The following NOS1AP variants were observed in gnomAD, a reference collection of about 807,000 sequenced individuals.
NOS1AP encodes carboxyl-terminal PDZ ligand of neuronal nitric oxide synthase protein.
A neutral mutation model predicts 56.2 loss-of-function variants in NOS1AP; 21 were observed. The observed-to-expected ratio is 0.37, with a 90% CI of 0.26 to 0.54. The LOEUF is 0.54. Among genes scored for constraint, NOS1AP ranks in the 20% least tolerant of loss-of-function variants. The pLI is 0.84. For missense variants in NOS1AP, 522 were observed against 657.8 expected, an observed-to-expected ratio of 0.79 and a Z score of 2.26; for synonymous variants, 270 against 274.6, an observed-to-expected ratio of 0.98 and a Z score of 0.17.
intron 9 of NOS1AP, among the ~76,000 whole-genome samples, chr1:162,366,055 T>C (rs1015622798): frequency 1.3e-5 from 2 of 152,160 alleles, no homozygotes; most frequent in African/African-American, 2.4e-5. Flanking sequence ...ATCTGTTCAG[T>C]GGATAAGGCA....
At chr1:162,332,912 G>A in intron 4 of NOS1AP, 105 bp from the exon 5 acceptor site, 1 of 807,314 alleles carries the variant, frequency 1.2e-6, no homozygotes, top group South Asian at 1.4e-5. Flanking sequence ...TAATAACTTG[G>A]CTCTCATGAG....
At chr1:162,324,416 CTT>C (rs35946766) in intron 4 of NOS1AP, among the ~76,000 whole-genome samples, 29 of 72,130 alleles carry the variant, frequency 4.0e-4, no homozygotes, top group Non-Finnish European at 7.2e-4. Flanking sequence ...GGACACTAGC[CTT>C]TTTTTTTTTT....
intron 1 of NOS1AP, among the ~76,000 whole-genome samples, chr1:162,133,058 G>A (rs540265702): frequency 7.3e-4 from 111 of 152,188 alleles, no homozygotes; most frequent in Admixed American, 1.5e-3. Flanking sequence ...GCAATATCAC[G>A]TGTTGGCTGG....
intron 2 of NOS1AP, among the ~76,000 whole-genome samples, chr1:162,264,358 C>T (rs1258944352): frequency 6.6e-6 from 1 of 152,038 alleles, no homozygotes; most frequent in African/African-American, 2.4e-5. Flanking sequence ...TTTGGCTATG[C>T]AGTGACCTTT....
At chr1:162,282,903 A>G (rs1350031655) in intron 2 of NOS1AP, among the ~76,000 whole-genome samples, 1 of 152,168 alleles carries the variant, frequency 6.6e-6, no homozygotes, top group African/African-American at 2.4e-5. Flanking sequence ...CTTGGCTGAC[A>G]TCTGTAAGCA....
chr1:162,072,593 G>A (rs746035043), intron 1 of NOS1AP, among the ~76,000 whole-genome samples: 1 of 152,202 alleles, frequency 6.6e-6, no homozygotes, highest in Non-Finnish European at 1.5e-5. Flanking sequence ...AAGGACAAAA[G>A]CATACGGTAA....
intron 2 of NOS1AP, among the ~76,000 whole-genome samples, chr1:162,263,565 G>A (rs1039430793): frequency 1.3e-5 from 2 of 152,060 alleles, no homozygotes; most frequent in South Asian, 4.2e-4. Flanking sequence ...TTTTCCTATG[G>A]TTTCACAGAG....
At chr1:162,107,066 CTA>C (rs1262491010) in intron 1 of NOS1AP, among the ~76,000 whole-genome samples, 1 of 151,996 alleles carries the variant, frequency 6.6e-6, no homozygotes, top group African/African-American at 2.4e-5. Flanking sequence ...GGGTGGAAAA[CTA>C]TGAAGATGAA....
chr1:162,087,253 A>G (rs1692024580), intron 1 of NOS1AP, among the ~76,000 whole-genome samples: 1 of 152,044 alleles, frequency 6.6e-6, no homozygotes, highest in Non-Finnish European at 1.5e-5. Context: ...CCTCTTTCCA[A>G]CAGTAGCTTT....
chr1:162,104,196 G>T (rs1323453133), intron 1 of NOS1AP, among the ~76,000 whole-genome samples: 1 of 152,188 alleles, frequency 6.6e-6, no homozygotes, highest in Admixed American at 6.5e-5. Context: ...GAAATTCTGG[G>T]TTGGAAATTC....
At chr1:162,137,415 A>G (rs1048902266) in intron 1 of NOS1AP, among the ~76,000 whole-genome samples, 2 of 151,998 alleles carry the variant, frequency 1.3e-5, no homozygotes, top group Non-Finnish European at 2.9e-5. Flanking sequence ...AAGGTTTTCC[A>G]TCTATTGATC....
chr1:162,255,239 G>T (rs1280795160), intron 2 of NOS1AP, among the ~76,000 whole-genome samples: 1 of 152,132 alleles, frequency 6.6e-6, no homozygotes, highest in Non-Finnish European at 1.5e-5. Flanking sequence ...TTGTTTTATA[G>T]ATTGGTCACT....
intron 2 of NOS1AP, among the ~76,000 whole-genome samples, chr1:162,166,823 C>T (rs1650519634): frequency 6.6e-6 from 1 of 152,196 alleles, no homozygotes. Flanking sequence ...CCTGTACCTC[C>T]TCTCCACATC....
chr1:162,295,368 A>G (rs957509052), intron 3 of NOS1AP, among the ~76,000 whole-genome samples: 1 of 152,224 alleles, frequency 6.6e-6, no homozygotes, highest in African/African-American at 2.4e-5. Context: ...GGAAAAATAA[A>G]AGACTTCAAA....
rs372674766 is a variant in NOS1AP at position 162,230,471 on chromosome 1, C to T, written c.178-56873C>T. On this transcript the variant is annotated intron_variant, in intron 2 of 9. Coordinates refer to ENST00000361897, the MANE Select transcript of NOS1AP (RefSeq NM_014697.3). ...ATGTAATTTCAGAATTTCTACTAGTCACATTAAAAAGCTAAAAAGAATCTG... is the reference window on the plus strand; with the variant it reads ...ATGTAATTTCAGAATTTCTACTAGTTACATTAAAAAGCTAAAAAGAATCTG... Among the ~76,000 whole-genome samples the T allele has an allele frequency of 3.3e-5, 5 of 152,292 alleles. No homozygotes were observed. In the East Asian group the frequency reaches 9.6e-4, roughly 29 times the overall value.
At chr1:162,217,880 C>T (rs1002791321) in intron 2 of NOS1AP, among the ~76,000 whole-genome samples, 3 of 152,180 alleles carry the variant, frequency 2.0e-5, no homozygotes, top group Non-Finnish European at 4.4e-5. Flanking sequence ...GCTTCCTTCC[C>T]ACTCACAGAT....
intron 2 of NOS1AP, among the ~76,000 whole-genome samples, chr1:162,218,233 A>G (rs1652646584): frequency 6.6e-6 from 1 of 152,208 alleles, no homozygotes; most frequent in Non-Finnish European, 1.5e-5. Context: ...TCTAGGAGAA[A>G]GAATCCTTGG....
intron 2 of NOS1AP, among the ~76,000 whole-genome samples, chr1:162,163,989 C>A (rs1650353022): frequency 6.6e-6 from 1 of 152,158 alleles, no homozygotes; most frequent in Non-Finnish European, 1.5e-5. Context: ...TATCTGTCAG[C>A]AGAGAAGAGT....
intron 1 of NOS1AP, among the ~76,000 whole-genome samples, chr1:162,071,434 C>T (rs1691657425): frequency 6.6e-6 from 1 of 152,178 alleles, no homozygotes; most frequent in African/African-American, 2.4e-5. Flanking sequence ...CTGACATGTG[C>T]CCAGTGTGGT....
Sources: gnomAD v4.1 joint callset for allele counts (sites outside exome capture counted in the v4.1 genomes callset) on GRCh38, gnomAD v4.1.1 for gene constraint, MANE v1.5 for transcripts, NCBI Gene and HGNC (gene_info 2026-07-23, HGNC 2026-07-21) for gene names.